ZNF785: variants seen among roughly 807,000 people sequenced by gnomAD.
ZNF785 encodes zinc finger protein 785.
In ZNF785, 15 loss-of-function variants were observed where a neutral mutation model predicts 11.3. The ratio of observed to expected loss-of-function variants is 1.32; its 90% CI spans 0.89 to 2.04. ZNF785 has a LOEUF of 2.04. Ranked by LOEUF, ZNF785 falls within the 30% of genes most tolerant of loss-of-function variation. ZNF785 has a pLI of 0.00. For synonymous variants in ZNF785, 221 were observed against 231.0 expected, an observed-to-expected ratio of 0.96 and a Z score of 0.39; for missense variants, 572 against 560.9, an observed-to-expected ratio of 1.02 and a Z score of -0.20.
chr16:30,582,480 C>A lies in ZNF785; in HGVS notation c.*80G>T, dbSNP rs2051823483. The A allele has an allele frequency of 6.4e-7, 1 of 1,567,804 alleles. No homozygotes were observed. Among genetic ancestry groups the A allele is most frequent in the Non-Finnish European group, 8.7e-7 (1 of 1,154,130 alleles). On this transcript the variant is annotated 3_prime_UTR_variant, in exon 3 of 3. Coordinates refer to ENST00000395216, the MANE Select transcript of ZNF785 (RefSeq NM_152458.7). ...GAACTTTGTTTTCCTCAAACGCCCA[C>A]TTCCTTTCCTTATCCCCCAAATACA... is the stretch of plus-strand genomic sequence containing the variant.
Position 30,582,075 on chromosome 16 carries a change from A to G in ZNF785, c.*485T>C. ...ACTCCAGCCTGGGCGACAGAGCATG[A>G]CTCCATCTCAAAAAAAAGAAAAGAA... On this transcript the variant is annotated 3_prime_UTR_variant, in exon 3 of 3. Transcript: ENST00000395216. 1 of 157,412 alleles carries G rather than the reference A, an allele frequency of 6.4e-6. No homozygotes were observed. The allele number at this position is 157,412 out of a possible 1,614,324, so 9.8% of individuals were successfully genotyped here. A position where few individuals can be genotyped will look rare whatever the true frequency, so the allele number is the denominator to read the frequency against.
chr16:30,585,302 G>A lies in ZNF785; in HGVS notation c.206-52C>T. 1.2e-6 allele frequency: 2 copies of A among 1,602,794 alleles called. No individual in the cohort carries two copies. The highest frequency in any genetic ancestry group is 1.7e-6 in the Non-Finnish European group (2 of 1,174,818). On this transcript the variant is annotated intron_variant, in intron 1 of 2. Transcript: ENST00000395216. The surrounding 1 kb of genome is among the most constrained non-coding windows in gnomAD (Gnocchi z 4.0). ...CTGAGCGCACGGGAGGGGAGAATGA[G>A]ACTGCTCCCTCGGCGCCCCGCTTCC...
chr16:30,578,400 G>A (rs1472717771), downstream of ZNF785: 2 of 152,196 alleles, frequency 1.3e-5, no homozygotes, highest in Non-Finnish European at 2.9e-5. Context: ...AATTGTAAAT[G>A]TTTCTTCAAG....
At position 30,585,523 on chromosome 16, in the gene ZNF785, C is replaced by A; in HGVS notation, c.89G>T (p.Ser30Ile). The A allele has an allele frequency of 6.3e-7, 1 of 1,588,300 alleles. No homozygotes were observed. Among genetic ancestry groups the A allele is most frequent in the Non-Finnish European group, 8.6e-7 (1 of 1,168,594 alleles). ...GAAGTACACGGCCACGTCCGCGAAG[C>A]TCACGGCGCCCGGCCTGCTTTCCCT... is the stretch of plus-strand genomic sequence containing the variant. ...RTRESRPGAV[S>I]FADVAVYFSP... The change falls in exon 1 of 3, where the codon AGC becomes ATC. Residue 30 changes from serine (S) to isoleucine (I), a missense_variant. Coordinates refer to ENST00000395216, the MANE Select transcript of ZNF785 (RefSeq NM_152458.7). This position sits in a 1 kb window ranked among gnomAD's most constrained non-coding sequence, Gnocchi z 4.0.
chr16:30,582,916 C>A lies in ZNF785; in HGVS notation c.862G>T (p.Asp288Tyr). Residue 288 changes from aspartate to tyrosine, a missense_variant, in exon 3 of 3, where the codon GAT (aspartate) becomes TAT (tyrosine). By Grantham distance (160) the Asp-to-Tyr change is radical. Coordinates refer to ENST00000395216, the MANE Select transcript of ZNF785 (RefSeq NM_152458.7). ...GTGTAGGCGAAACGGAGGCTGCAATCGGGGCAGCTGTAGGGCTTCTCGCCC... is the reference window on the plus strand; with the variant it reads ...GTGTAGGCGAAACGGAGGCTGCAATAGGGGCAGCTGTAGGGCTTCTCGCCC... ...HTGEKPYSCP[D>Y]CSLRFAYTSL... is the part of the protein sequence containing the mutation. The A allele has an allele frequency of 6.2e-7, 1 of 1,612,964 alleles. No homozygotes were observed. Among genetic ancestry groups the A allele is most frequent in the Non-Finnish European group, 8.5e-7 (1 of 1,179,820 alleles).
Position 30,582,891 on chromosome 16 carries a change from G to A in ZNF785, c.887C>T (p.Thr296Ile), listed in dbSNP as rs1472687970. 3 of 1,612,218 alleles carry A rather than the reference G, an allele frequency of 1.9e-6. No homozygotes were observed. The highest frequency in any genetic ancestry group is 4.5e-5 in the East Asian group (2 of 44,752). ...CPDCSLRFAYTSLLAIHRRIH... is the reference protein window; with the variant it reads ...CPDCSLRFAYISLLAIHRRIH... ...GCGCCTGTGGATGGCCAGCAGGGAG[G>A]TGTAGGCGAAACGGAGGCTGCAATC... Residue 296 changes from threonine (T) to isoleucine (I), a missense_variant, in exon 3 of 3, where the codon ACC (threonine) becomes ATC (isoleucine). By Grantham distance (89) the Thr-to-Ile change is moderately conservative. Transcript: ENST00000395216.
intron 2 of ZNF785, among the ~76,000 whole-genome samples, chr16:30,584,101 T>C (rs1314208927): frequency 6.7e-6 from 1 of 148,850 alleles, no homozygotes; most frequent in Non-Finnish European, 1.5e-5. Flanking sequence ...GCCAACCTCG[T>C]GCCACTGCAC....
Position 30,580,975 on chromosome 16 carries a change from C to A in ZNF785, c.*1585G>T, listed in dbSNP as rs1485018490. On this transcript the variant is annotated 3_prime_UTR_variant, in exon 3 of 3. Transcript: ENST00000395216. The stretch of plus-strand genomic sequence containing the variant: ...CTGAGGTCAGGAATTGGAGACCAGC[C>A]TGGCCAACATGGTGAAACCTGTCTC... The A allele has an allele frequency of 6.6e-6, 1 of 151,876 alleles. No individual in the cohort carries two copies. Among genetic ancestry groups the A allele is most frequent in the East Asian group, 1.9e-4 (1 of 5,148 alleles). 9.4% of individuals were successfully genotyped at this position (151,876 alleles called of 1,614,324 possible).
Position 30,583,123 on chromosome 16 carries a change from G to A in ZNF785, c.655C>T (p.Gln219Ter), listed in dbSNP as rs527529720. The A allele has an allele frequency of 9.9e-6, 16 of 1,614,164 alleles. No individual in the cohort carries two copies. In the East Asian group the frequency reaches 3.3e-4, roughly 34 times the overall value. ...FSQRRYLLQH[Q>*]FIHTGEKPYP... ...GGCTTCTCGCCGGTGTGGATGAACT[G>A]ATGCTGGAGCAGGTACCTGCGCTGG... The change falls in exon 3 of 3, where the codon CAG becomes TAG. Residue 219 changes from glutamine to a stop codon, truncating the protein, a stop_gained. Transcript: ENST00000395216. LOFTEE classifies it low-confidence loss of function (END_TRUNC).
At position 30,580,761 on chromosome 16, in the gene ZNF785, C is replaced by A. The variant is rs925432025; in HGVS notation, c.*1799G>T. 2 of 151,728 alleles carry A rather than the reference C, an allele frequency of 1.3e-5. No individual in the cohort carries two copies. Among genetic ancestry groups the A allele is most frequent in the African/African-American group, 4.8e-5 (2 of 41,270 alleles). 9.4% of individuals were successfully genotyped at this position (151,728 alleles called of 1,614,324 possible). A position where few individuals can be genotyped will look rare whatever the true frequency, so the allele number is the denominator to read the frequency against. On this transcript the variant is annotated 3_prime_UTR_variant, in exon 3 of 3. Coordinates refer to ENST00000395216, the MANE Select transcript of ZNF785 (RefSeq NM_152458.7). ...AAGTGATCCACCCTCCTCAGCCTCCCAAACTGCTAGGATTACAGGCGTGAG... is the reference window on the plus strand; with the variant it reads ...AAGTGATCCACCCTCCTCAGCCTCCAAAACTGCTAGGATTACAGGCGTGAG...
At position 30,583,044 on chromosome 16, in the gene ZNF785, A is replaced by AT; in HGVS notation, c.733dup (p.Ile245AsnfsTer72). On this transcript the variant is annotated frameshift_variant, in exon 3 of 3. Coordinates refer to ENST00000395216, the MANE Select transcript of ZNF785 (RefSeq NM_152458.7). LOFTEE classifies it low-confidence loss of function (END_TRUNC). ...CTCCCCGGTGTGAGCCCGCCTGTGG[A>AT]TAGCCAGGGAACCCCTCTGGCGGAA... 6.2e-7 allele frequency: 1 copy of AT among 1,610,174 alleles called. No homozygotes were observed. Among genetic ancestry groups the AT allele is most frequent in the Non-Finnish European group, 8.5e-7 (1 of 1,179,234 alleles).
At chr16:30,579,274 G>C (rs1261979139), downstream of ZNF785, 1 of 153,390 alleles carries the variant, frequency 6.5e-6, no homozygotes, top group Non-Finnish European at 1.5e-5. Flanking sequence ...GTAGAATCTA[G>C]GTGATGCTAA....
In ZNF785 at chr16:30,583,221, A is replaced by G. The variant is rs1597149743; in HGVS notation, c.557T>C (p.Leu186Pro). 1 of 1,613,944 alleles carries G rather than the reference A, an allele frequency of 6.2e-7. No homozygotes were observed. The highest frequency in any genetic ancestry group is 1.1e-5 in the South Asian group (1 of 91,068). ...DCGRNFSYPS[L>P]LASHQRVHSG... ...GTGGACCCGCTGGTGGCTGGCCAGG[A>G]GGGAAGGGTAGCTGAAGTTGCGGCC... is the stretch of plus-strand genomic sequence containing the variant. Residue 186 changes from leucine (L) to proline (P), a missense_variant, in exon 3 of 3, where the codon CTC (leucine) becomes CCC (proline). Leu to Pro is a moderately conservative substitution (Grantham distance 98, BLOSUM62 -3). Transcript: ENST00000395216.
chr16:30,584,520 G>T (rs141788391), intron 2 of ZNF785, among the ~76,000 whole-genome samples: 26 of 152,166 alleles, frequency 1.7e-4, no homozygotes, highest in African/African-American at 5.8e-4. Flanking sequence ...CATGATGGCG[G>T]GTACCTGTAA....
At chr16:30,583,973 T>C (rs1370362448) in intron 2 of ZNF785, 2 of 152,118 alleles carry the variant, frequency 1.3e-5, no homozygotes, top group South Asian at 2.1e-4. Context: ...TGGGGAAACC[T>C]TGTCTGTACT....
At position 30,582,926 on chromosome 16, in the gene ZNF785, G is replaced by C. The variant is rs376130017; in HGVS notation, c.852C>G (p.Tyr284Ter). 4 of 1,614,052 alleles carry C rather than the reference G, an allele frequency of 2.5e-6. No homozygotes were observed. The African/African-American group carries it at 4.0e-5, about 16-fold the overall frequency. The change falls in exon 3 of 3, where the codon TAC (tyrosine) becomes TAG (stop). Residue 284 changes from tyrosine (Y) to a stop codon, truncating the protein, a stop_gained. Transcript: ENST00000395216. LOFTEE classifies it low-confidence loss of function (END_TRUNC). ...HQRKHTGEKP[Y>*]SCPDCSLRFA... is the part of the protein sequence containing the mutation. ...AACGGAGGCTGCAATCGGGGCAGCT[G>C]TAGGGCTTCTCGCCCGTGTGCTTGC...
chr16:30,582,571 C>T lies in ZNF785; in HGVS notation c.1207G>A (p.Glu403Lys). 3 of 1,614,006 alleles carry T rather than the reference C, an allele frequency of 1.9e-6. No individual in the cohort carries two copies. The highest frequency in any genetic ancestry group is 2.5e-6 in the Non-Finnish European group (3 of 1,180,024). The change falls in exon 3 of 3, where the codon GAG (glutamate) becomes AAG (lysine). Residue 403 changes from glutamate to lysine, a missense_variant. Physicochemically the swap from Glu to Lys is moderately conservative, Grantham distance 56. Transcript: ENST00000395216. ...HFRHFPDIFQ[E>K]CG is the part of the protein sequence containing the mutation. ...TTGTGTGAACGCCATCACCCACACT[C>T]TTGAAATATATCTGGAAAGTGCCGG...
chr16:30,584,513 G>A (rs2051863120), intron 2 of ZNF785, among the ~76,000 whole-genome samples: 1 of 152,116 alleles, frequency 6.6e-6, no homozygotes, highest in Non-Finnish European at 1.5e-5. Flanking sequence ...AGCTGGGCAT[G>A]ATGGCGGGTA....
At position 30,583,032 on chromosome 16, in the gene ZNF785, G is replaced by T. The variant is rs866085465; in HGVS notation, c.746C>A (p.Ala249Asp). The change falls in exon 3 of 3, where the codon GCT (alanine) becomes GAT (aspartate). Residue 249 changes from alanine to aspartate, a missense_variant. By Grantham distance (126) the Ala-to-Asp change is moderately radical. Transcript: ENST00000395216. Reference protein sequence around the residue: ...QRGSLAIHRRAHTGEKPYACS... With the variant: ...QRGSLAIHRRDHTGEKPYACS... ...CGCGTAAGGCTTCTCCCCGGTGTGA[G>T]CCCGCCTGTGGATAGCCAGGGAACC... The T allele has an allele frequency of 6.2e-7, 1 of 1,612,598 alleles. No individual in the cohort carries two copies. Among genetic ancestry groups the T allele is most frequent in the African/African-American group, 1.3e-5 (1 of 74,432 alleles).
Sources: allele counts gnomAD v4.1 joint callset (sites outside exome capture counted in the v4.1 genomes callset), GRCh38; gene constraint gnomAD v4.1.1; non-coding constraint Gnocchi (gnomAD v3.1); transcripts MANE v1.5; gene names NCBI Gene and HGNC (gene_info 2026-07-23, HGNC 2026-07-21).